UROC1: variants seen among roughly 807,000 people sequenced by gnomAD.
UROC1 encodes the protein urocanate hydratase.
UROC1 carries 79 observed loss-of-function variants against 89.5 expected under a neutral mutation model. The ratio of observed to expected loss-of-function variants is 0.88; its 90% CI spans 0.74 to 1.06. The LOEUF (loss-of-function observed/expected upper bound fraction) is 1.06, where lower values mean the gene tolerates loss of function less well. UROC1 is among the 50% of genes least tolerant of loss of function. The pLI is 0.00. For missense variants in UROC1, 885 were observed against 907.8 expected (o/e 0.97, Z 0.32); for synonymous variants, 361 against 354.8 (o/e 1.02, Z -0.20).
Position 126,502,696 on chromosome 3 carries a change from G to A in UROC1, c.902+1299C>T, listed in dbSNP as rs551303194. ...ATGCATGTGTTGTGTGTCTGTTTAT[G>A]TGTGTGTCTATGTATGTGTTGTGTG... is the stretch of plus-strand genomic sequence containing the variant. On this transcript the variant is annotated intron_variant, in intron 9 of 19. Coordinates refer to ENST00000290868, the MANE Select transcript of UROC1 (RefSeq NM_144639.3). Among the ~76,000 whole-genome samples, 5 of 151,596 alleles carry A rather than the reference G, an allele frequency of 3.3e-5. No individual in the cohort carries two copies. The East Asian group carries it at 9.7e-4, about 29-fold the overall frequency.
At chr3:126,491,686 G>A (rs1935657681) in intron 16 of UROC1, among the ~76,000 whole-genome samples, 1 of 152,254 alleles carries the variant, frequency 6.6e-6, no homozygotes, top group Non-Finnish European at 1.5e-5. Flanking sequence ...CTCTGTGGCA[G>A]GAGGAGCCAG....
At chr3:126,510,511 G>C (rs1463936666) in intron 2 of UROC1, among the ~76,000 whole-genome samples, 153 bp downstream of exon 2, 1 of 152,170 alleles carries the variant, frequency 6.6e-6, no homozygotes, top group African/African-American at 2.4e-5. Flanking sequence ...CCGAGGCGAC[G>C]ACACAGAATC....
rs201460805 is a variant in UROC1 at position 126,500,889 on chromosome 3, C to A, written c.966-15G>T. 61 of 1,612,842 alleles carry A rather than the reference C, an allele frequency of 3.8e-5. No individual in the cohort carries two copies. The African/African-American group carries it at 5.5e-4, about 14-fold the overall frequency. On this transcript the variant is annotated splice_polypyrimidine_tract_variant and intron_variant, in intron 10 of 19. Transcript: ENST00000290868. ...CCAGGCGCTCCCTGGGGAAGCCATGCGGTGGTCAGTGCAAGCCACACACAG... is the reference window on the plus strand; with the variant it reads ...CCAGGCGCTCCCTGGGGAAGCCATGAGGTGGTCAGTGCAAGCCACACACAG...
intron 17 of UROC1, 61 bp downstream of exon 17, chr3:126,489,215 A>AG: frequency 2.0e-6 from 3 of 1,477,752 alleles, no homozygotes; most frequent in Non-Finnish European, 1.9e-6. Context: ...GACTAAATGC[A>AG]TCAATTTTTA....
chr3:126,506,923 C>CA (rs1370845554), intron 6 of UROC1, among the ~76,000 whole-genome samples: 2 of 152,020 alleles, frequency 1.3e-5, no homozygotes, highest in Non-Finnish European at 2.9e-5. Context: ...ACTAAAAATA[C>CA]AAAAAACTAG....
At chr3:126,509,751 C>T (rs1936155305) in intron 2 of UROC1, 73 bp from the exon 3 acceptor site, 4 of 1,398,900 alleles carry the variant, frequency 2.9e-6, no homozygotes, top group Admixed American at 3.9e-5. Context: ...CCCGCCCAGC[C>T]CCTGGCCGCT....
At chr3:126,483,538 T>C in intron 18 of UROC1, 70 bp from the exon 19 acceptor site, 2 of 1,468,842 alleles carry the variant, frequency 1.4e-6, no homozygotes, top group Non-Finnish European at 1.9e-6. Context: ...CAGAAGCCCA[T>C]GTTTTGGAAG....
Position 126,502,038 on chromosome 3 carries a change from A to C in UROC1, c.903-758T>G, listed in dbSNP as rs1037623647. 8.1e-5 allele frequency: 112 copies of C among 1,389,398 alleles called. No homozygotes were observed. In the Middle Eastern group the frequency reaches 1.2e-3, roughly 15 times the overall value. The allele number at this position is 1,389,398 out of a possible 1,614,324, so 86.1% of individuals were successfully genotyped here. A position where few individuals can be genotyped will look rare whatever the true frequency, so the allele number is the denominator to read the frequency against. ...AAGTGTGGCAGACAGGTTGCTCGAG[A>C]CAGTTCCTTAAACTGATTTTGATGT... On this transcript the variant is annotated intron_variant, in intron 9 of 19. Coordinates refer to ENST00000290868, the MANE Select transcript of UROC1 (RefSeq NM_144639.3).
intron 9 of UROC1, among the ~76,000 whole-genome samples, chr3:126,502,793 G>A (rs1935965179): frequency 6.6e-6 from 1 of 151,624 alleles, no homozygotes; most frequent in African/African-American, 2.4e-5. Context: ...GTGCATGTGT[G>A]TGCTGTGTTC....
chr3:126,502,079 TG>T, intron 9 of UROC1: 1 of 925,390 alleles, frequency 1.1e-6, no homozygotes, highest in Non-Finnish European at 1.5e-6. Flanking sequence ...TATGTGTGTG[TG>T]TTCATGTGTG....
Position 126,492,471 on chromosome 3 carries a change from G to A in UROC1, c.1555C>T (p.Arg519Cys), listed in dbSNP as rs201269614. The change falls in exon 16 of 20, where the codon CGC becomes TGC. Residue 519 changes from arginine (R) to cysteine (C), a missense_variant. Arg to Cys is a radical substitution (Grantham distance 180). Coordinates refer to ENST00000290868, the MANE Select transcript of UROC1 (RefSeq NM_144639.3). ...TTAATGGCCACAGCGATGGCCACGCGGCCCTTCTGGTCTGAGTACAGGATC... is the reference window on the plus strand; with the variant it reads ...TTAATGGCCACAGCGATGGCCACGCAGCCCTTCTGGTCTGAGTACAGGATC... ...ARILYSDQKG[R>C]VAIAVAINQA... The A allele has an allele frequency of 1.1e-5, 17 of 1,613,336 alleles. No individual in the cohort carries two copies. The Middle Eastern group carries it at 4.9e-4, about 47-fold the overall frequency.
chr3:126,492,431 C>T lies in UROC1; in HGVS notation c.1595G>A (p.Cys532Tyr), dbSNP rs1308061173. ...IAVAINQAIACRRIKAPVVLS... is the reference protein window; with the variant it reads ...IAVAINQAIAYRRIKAPVVLS... Reference sequence around the variant, plus strand: ...AGGACACCTCACCTTGATCCTCCTGCAGGCGATGGCCTGGTTAATGGCCAC... The same window carrying T: ...AGGACACCTCACCTTGATCCTCCTGTAGGCGATGGCCTGGTTAATGGCCAC... Residue 532 changes from cysteine to tyrosine, a missense_variant, in exon 16 of 20, where the codon TGC (cysteine) becomes TAC (tyrosine). By Grantham distance (194) the Cys-to-Tyr change is radical. Coordinates refer to ENST00000290868, the MANE Select transcript of UROC1 (RefSeq NM_144639.3). The T allele has an allele frequency of 6.2e-7, 1 of 1,613,444 alleles. No homozygotes were observed. The highest frequency in any genetic ancestry group is 1.3e-5 in the African/African-American group (1 of 74,928).
intron 16 of UROC1, 87 bp from the exon 17 acceptor site, chr3:126,489,462 A>G: frequency 1.9e-6 from 2 of 1,052,826 alleles, no homozygotes; most frequent in Non-Finnish European, 2.9e-6. Context: ...AGGTCACACC[A>G]GAACCCGCTG....
In UROC1 at chr3:126,500,322, C is replaced by T. The variant is rs116784446; in HGVS notation, c.1146-168G>A. ...ACACCTGGAATGCCCCTGCCCCTGT[C>T]ATCTGTTTAGAACCTCTGCACCTTT... On this transcript the variant is annotated intron_variant, in intron 11 of 19. Transcript: ENST00000290868. Among the ~76,000 whole-genome samples, 880 of 152,332 alleles carry T rather than the reference C, an allele frequency of 5.8e-3. 11 individuals are homozygous for T. The highest frequency in any genetic ancestry group is 0.02 in the African/African-American group (821 of 41,570).
chr3:126,515,035 C>G (rs945214157), intron 1 of UROC1, among the ~76,000 whole-genome samples: 2 of 152,054 alleles, frequency 1.3e-5, no homozygotes, highest in African/African-American at 4.8e-5. Context: ...GAACTGCACC[C>G]GCTCCTACTC....
At chr3:126,512,334 T>C (rs563590900) in intron 1 of UROC1, among the ~76,000 whole-genome samples, 181 of 152,376 alleles carry the variant, frequency 1.2e-3, no homozygotes, top group Admixed American at 2.5e-3. Flanking sequence ...AGCTTCCTGA[T>C]GACCACGGAA....
intron 16 of UROC1, among the ~76,000 whole-genome samples, chr3:126,489,928 C>G (rs1039922950): frequency 6.6e-6 from 1 of 152,136 alleles, no homozygotes; most frequent in Non-Finnish European, 1.5e-5. Context: ...TTGTTAAGTC[C>G]GAGTGTCCAC....
At position 126,505,779 on chromosome 3, in the gene UROC1, G is replaced by T; in HGVS notation, c.735C>A (p.Val245=). 6.2e-7 allele frequency: 1 copy of T among 1,613,928 alleles called. No individual in the cohort carries two copies. The highest frequency in any genetic ancestry group is 8.5e-7 in the Non-Finnish European group (1 of 1,180,026). The change falls in exon 8 of 20, where the codon GTC becomes GTA. Residue 245 remains valine, a synonymous_variant. Coordinates refer to ENST00000290868, the MANE Select transcript of UROC1 (RefSeq NM_144639.3). ...CACTCATTCCGCCGAGCCCAGAGGT[G>T]ACAAAGACCTTCCCAGCCAAGTCCT... The part of the protein sequence containing the change: ...GIEDLAGKVF[V]TSGLGGMSGA...
intron 18 of UROC1, among the ~76,000 whole-genome samples, chr3:126,486,899 G>A (rs927775593): frequency 2.6e-5 from 4 of 152,220 alleles, no homozygotes; most frequent in Non-Finnish European, 4.4e-5. Context: ...ATGTACATGT[G>A]TAAGTGTGAT....
Sources: gnomAD v4.1 joint callset for allele counts (sites outside exome capture counted in the v4.1 genomes callset) on GRCh38, gnomAD v4.1.1 for gene constraint, MANE v1.5 for transcripts, NCBI Gene and HGNC (gene_info 2026-07-23, HGNC 2026-07-21) for gene names.